Variants in GRHL2 observed in about 807,000 individuals in gnomAD.
GRHL2 encodes the protein grainyhead like transcription factor 2, also known as grainyhead-like protein 2 homolog.
In GRHL2, 21 loss-of-function variants were observed where a neutral mutation model predicts 83.8. The observed-to-expected ratio is 0.25, with a 90% CI of 0.18 to 0.36. GRHL2 has a LOEUF of 0.36. Among genes scored for constraint, GRHL2 ranks in the 10% least tolerant of loss-of-function variants. The pLI is 1.00. For synonymous variants in GRHL2, 280 were observed against 278.9 expected (o/e 1.00, Z -0.04); for missense variants, 623 against 781.8 (o/e 0.80, Z 2.42).
intron 1 of GRHL2, among the ~76,000 whole-genome samples, chr8:101,511,154 A>T (rs954102096): frequency 1.3e-5 from 2 of 152,144 alleles, no homozygotes; most frequent in South Asian, 2.1e-4. Flanking sequence ...ATAATTTTAT[A>T]CATGTTGTTT....
intron 4 of GRHL2, among the ~76,000 whole-genome samples, chr8:101,568,598 T>A (rs79543577): frequency 6.6e-6 from 1 of 152,014 alleles, no homozygotes; most frequent in African/African-American, 2.4e-5. Context: ...TTTTTTTTTT[T>A]AATGTGAATT....
chr8:101,673,508 T>C (rs1042347626), downstream of GRHL2, among the ~76,000 whole-genome samples: 3 of 121,728 alleles, frequency 2.5e-5, no homozygotes, highest in African/African-American at 9.9e-5. Context: ...CTAACTATCC[T>C]AAATATATAT....
chr8:101,652,589 T>TATGTGTG (rs1813692601), intron 14 of GRHL2, among the ~76,000 whole-genome samples: 1 of 62,690 alleles, frequency 1.6e-5, no homozygotes, highest in Non-Finnish European at 2.8e-5. Context: ...GTGTGGTGTC[T>TATGTGTG]GTGTGTGTGT....
intron 1 of GRHL2, among the ~76,000 whole-genome samples, chr8:101,499,872 T>G (rs185138960): frequency 9.9e-4 from 151 of 152,158 alleles, no homozygotes; most frequent in Non-Finnish European, 1.8e-3. Context: ...GGTAAGGAGT[T>G]CGATATCAGT....
chr8:101,570,041 G>A (rs1811790402), intron 4 of GRHL2, among the ~76,000 whole-genome samples: 2 of 152,166 alleles, frequency 1.3e-5, no homozygotes, highest in African/African-American at 4.8e-5. Context: ...AATAGCAAAT[G>A]GAAGAGATGT....
chr8:101,636,683 A>G (rs1382785968), intron 11 of GRHL2: 2 of 581,176 alleles, frequency 3.4e-6, no homozygotes, highest in East Asian at 5.7e-5. Flanking sequence ...AATTAACCCC[A>G]TGGAGATTAT....
chr8:101,616,315 T>C (rs1812857076), intron 8 of GRHL2, among the ~76,000 whole-genome samples: 1 of 151,816 alleles, frequency 6.6e-6, no homozygotes, highest in South Asian at 2.1e-4. Flanking sequence ...GGATTACAGG[T>C]GCCCACCACC....
At chr8:101,591,575 G>A (rs1181325403) in intron 7 of GRHL2, among the ~76,000 whole-genome samples, 1 of 152,194 alleles carries the variant, frequency 6.6e-6, no homozygotes, top group African/African-American at 2.4e-5. Flanking sequence ...ACAATGTGTT[G>A]TTGAATTTGC....
chr8:101,529,683 T>TC (rs1329155795), intron 1 of GRHL2: 1 of 155,524 alleles, frequency 6.4e-6, no homozygotes, highest in Admixed American at 6.5e-5. Context: ...CCTTTTTTGC[T>TC]CATCTTGGGG....
At position 101,599,069 on chromosome 8, in the gene GRHL2, A is replaced by G. The variant is rs1812457280; in HGVS notation, c.1016A>G (p.Glu339Gly). The change falls in exon 8 of 16, where the codon GAG becomes GGG. Residue 339 changes from glutamate to glycine, a missense_variant. Physicochemically the swap from Glu to Gly is moderately conservative, Grantham distance 98. Transcript: ENST00000646743. Reference sequence around the variant, plus strand: ...TTTAATGTTACAGCCGATTACAAGGAGAGCTTTAATACGATTGGAAACATT... The same window carrying G: ...TTTAATGTTACAGCCGATTACAAGGGGAGCTTTAATACGATTGGAAACATT... ...QRVLDIADYK[E>G]SFNTIGNIEE... is the part of the protein sequence containing the mutation. 1.9e-6 allele frequency: 3 copies of G among 1,611,386 alleles called. No individual in the cohort carries two copies. Among genetic ancestry groups the G allele is most frequent in the Non-Finnish European group, 1.7e-6 (2 of 1,177,526 alleles).
At chr8:101,516,904 T>C (rs749004822) in intron 1 of GRHL2, among the ~76,000 whole-genome samples, 19 of 152,228 alleles carry the variant, frequency 1.2e-4, no homozygotes, top group Non-Finnish European at 2.8e-4. Context: ...TTAAGGCCAG[T>C]GAAAAGCCTG....
downstream of GRHL2, among the ~76,000 whole-genome samples, chr8:101,670,703 C>A (rs566449419): frequency 6.6e-6 from 1 of 152,194 alleles, no homozygotes; most frequent in Non-Finnish European, 1.5e-5. Context: ...GTGGCAGCCA[C>A]GGTCCTGCTG....
intron 1 of GRHL2, among the ~76,000 whole-genome samples, chr8:101,499,450 TC>T (rs561220871): frequency 7.2e-4 from 106 of 147,018 alleles, no homozygotes; most frequent in African/African-American, 2.8e-3. Flanking sequence ...GGTTTTTTTT[TC>T]CTCCCATATT....
chr8:101,615,010 G>T (rs1055144966), intron 8 of GRHL2, among the ~76,000 whole-genome samples: 1 of 152,170 alleles, frequency 6.6e-6, no homozygotes, highest in African/African-American at 2.4e-5. Flanking sequence ...AGCAGAAAAG[G>T]CAGATTCTTG....
chr8:101,632,711 A>G (rs1813210664), intron 11 of GRHL2, among the ~76,000 whole-genome samples: 1 of 152,246 alleles, frequency 6.6e-6, no homozygotes, highest in African/African-American at 2.4e-5. Context: ...TAATGGTGAG[A>G]AGTTGAACTG....
At chr8:101,552,110 T>C (rs1255019167) in intron 2 of GRHL2, among the ~76,000 whole-genome samples, 3 of 151,722 alleles carry the variant, frequency 2.0e-5, no homozygotes, top group African/African-American at 7.3e-5. Context: ...GCATTAGGAG[T>C]TTTAAGACAA....
chr8:101,499,380 T>C (rs1810175735), intron 1 of GRHL2, among the ~76,000 whole-genome samples: 1 of 152,204 alleles, frequency 6.6e-6, no homozygotes, highest in Non-Finnish European at 1.5e-5. Context: ...TAACATTTTC[T>C]TCTTGTTCCC....
At chr8:101,498,001 T>A (rs1810143048) in intron 1 of GRHL2, among the ~76,000 whole-genome samples, 1 of 152,232 alleles carries the variant, frequency 6.6e-6, no homozygotes, top group Non-Finnish European at 1.5e-5. Flanking sequence ...AAGAACTGAT[T>A]TGAAGTGATG....
At position 101,608,084 on chromosome 8, in the gene GRHL2, A is replaced by G. The variant is rs186974847; in HGVS notation, c.1098+8933A>G. ...TGTGTGCGTGTGTACACAATGACTAATATTTGTTCAGTGATTACCATATAC... is the reference window on the plus strand; with the variant it reads ...TGTGTGCGTGTGTACACAATGACTAGTATTTGTTCAGTGATTACCATATAC... On this transcript the variant is annotated intron_variant, in intron 8 of 15. Coordinates refer to ENST00000646743, the MANE Select transcript of GRHL2 (RefSeq NM_024915.4). Among the ~76,000 whole-genome samples, 23 of 152,344 alleles carry G rather than the reference A, an allele frequency of 1.5e-4. No homozygotes were observed. In the East Asian group the frequency reaches 4.0e-3, roughly 27 times the overall value.
Sources: allele counts gnomAD v4.1 joint callset (sites outside exome capture counted in the v4.1 genomes callset), GRCh38; gene constraint gnomAD v4.1.1; transcripts MANE v1.5; gene names NCBI Gene and HGNC (gene_info 2026-07-23, HGNC 2026-07-21).